TNIK: variants seen among roughly 807,000 people sequenced by gnomAD.
TNIK encodes TRAF2 and NCK-interacting protein kinase.
TNIK carries 49 observed loss-of-function variants against 191.3 expected under a neutral mutation model. The observed-to-expected ratio is 0.26, with a 90% CI of 0.20 to 0.32. The LOEUF (loss-of-function observed/expected upper bound fraction) is 0.32, where lower values mean the gene tolerates loss of function less well. Ranked by LOEUF, TNIK falls within the 10% of genes least tolerant of loss-of-function variation. The pLI, the probability that TNIK is intolerant of heterozygous loss-of-function variation, is 1.00. For missense variants in TNIK, 1,155 were observed against 1,702.3 expected, an observed-to-expected ratio of 0.68 and a Z score of 5.66; for synonymous variants, 594 against 600.9, an observed-to-expected ratio of 0.99 and a Z score of 0.17.
intron 7 of TNIK, among the ~76,000 whole-genome samples, chr3:171,183,748 CT>C (rs771836351): frequency 3.8e-4 from 58 of 151,922 alleles, no homozygotes; most frequent in Non-Finnish European, 7.5e-4. Context: ...CAGTGAAACC[CT>C]GTCTCTACTA....
chr3:171,206,178 T>C (rs1405516619), intron 4 of TNIK, among the ~76,000 whole-genome samples: 1 of 152,088 alleles, frequency 6.6e-6, no homozygotes, highest in Non-Finnish European at 1.5e-5. Flanking sequence ...TGTTCACTGT[T>C]ATATCCTGAG....
intron 2 of TNIK, among the ~76,000 whole-genome samples, chr3:171,344,974 T>C (rs1246961093): frequency 2.0e-5 from 3 of 152,036 alleles, no homozygotes; most frequent in African/African-American, 7.2e-5. Flanking sequence ...TCCAACACTA[T>C]CAACACTTAC....
intron 8 of TNIK, among the ~76,000 whole-genome samples, chr3:171,175,566 T>A (rs1735860449): frequency 6.6e-6 from 1 of 152,226 alleles, no homozygotes. Context: ...TTCTAGTGAA[T>A]ACATGTTTAC....
intron 3 of TNIK, among the ~76,000 whole-genome samples, chr3:171,224,261 A>G (rs892611542): frequency 6.6e-6 from 1 of 152,128 alleles, no homozygotes; most frequent in Admixed American, 6.5e-5. Flanking sequence ...TTCCCTTTTC[A>G]GCTTCATTCA....
intron 10 of TNIK, among the ~76,000 whole-genome samples, chr3:171,165,286 T>C (rs1200787441): frequency 6.7e-6 from 1 of 148,562 alleles, no homozygotes; most frequent in Non-Finnish European, 1.5e-5. Flanking sequence ...TCTCAAAAAA[T>C]AAAAAATAAA....
intron 15 of TNIK, among the ~76,000 whole-genome samples, chr3:171,137,316 A>T (rs897196958): frequency 2.0e-5 from 3 of 152,088 alleles, no homozygotes. Context: ...AGCGTGAGCT[A>T]TCAATATCTA....
chr3:171,459,710 A>AG (rs1321871000), intron 1 of TNIK, among the ~76,000 whole-genome samples: 4 of 151,620 alleles, frequency 2.6e-5, no homozygotes, highest in African/African-American at 9.7e-5. Context: ...ACACGCACAC[A>AG]CGCCTTTCAT....
At chr3:171,274,267 A>C (rs985478582) in intron 2 of TNIK, among the ~76,000 whole-genome samples, 1 of 152,200 alleles carries the variant, frequency 6.6e-6, no homozygotes, top group Non-Finnish European at 1.5e-5. Context: ...TGGATTTTTC[A>C]GGGCTGAAAA....
At chr3:171,266,733 A>G (rs568002288) in intron 2 of TNIK, among the ~76,000 whole-genome samples, 1 of 152,312 alleles carries the variant, frequency 6.6e-6, no homozygotes, top group Non-Finnish European at 1.5e-5. Context: ...AACAATCTGA[A>G]AAAATTATAG....
At chr3:171,312,346 C>A (rs180904944) in intron 2 of TNIK, among the ~76,000 whole-genome samples, 43 of 151,798 alleles carry the variant, frequency 2.8e-4, no homozygotes, top group Middle Eastern at 6.8e-3. Flanking sequence ...GAAAATAGTT[C>A]TATGTAACTA....
chr3:171,353,741 T>C (rs1408720722), intron 2 of TNIK, among the ~76,000 whole-genome samples: 1 of 152,248 alleles, frequency 6.6e-6, no homozygotes, highest in Non-Finnish European at 1.5e-5. Context: ...TCTTCTGCAA[T>C]GTGACCTTCC....
chr3:171,438,855 C>T (rs1276315185), intron 1 of TNIK, among the ~76,000 whole-genome samples: 3 of 152,144 alleles, frequency 2.0e-5, no homozygotes, highest in Non-Finnish European at 2.9e-5. Flanking sequence ...GGACTCCACG[C>T]TCCAGGTTCA....
At chr3:171,274,052 G>A (rs1749436865) in intron 2 of TNIK, among the ~76,000 whole-genome samples, 1 of 152,198 alleles carries the variant, frequency 6.6e-6, no homozygotes, top group African/African-American at 2.4e-5. Context: ...GAGTGAGAAA[G>A]TGAGTTAGCT....
chr3:171,338,134 T>C (rs533962507), intron 2 of TNIK, among the ~76,000 whole-genome samples: 1 of 152,156 alleles, frequency 6.6e-6, no homozygotes, highest in Non-Finnish European at 1.5e-5. Context: ...CTTCCTCTTA[T>C]GGCTCCCCAC....
At chr3:171,097,671 A>G (rs1464953348) in intron 22 of TNIK, among the ~76,000 whole-genome samples, 1 of 152,214 alleles carries the variant, frequency 6.6e-6, no homozygotes, top group African/African-American at 2.4e-5. Context: ...ACCTTCCACC[A>G]TGATTGTGAG....
intron 1 of TNIK, among the ~76,000 whole-genome samples, chr3:171,445,812 A>G (rs1423660963): frequency 1.3e-5 from 2 of 152,224 alleles, no homozygotes; most frequent in African/African-American, 2.4e-5. Context: ...GATGGACATT[A>G]CTAAACCACA....
chr3:171,252,547 A>G (rs1159678869), intron 2 of TNIK, among the ~76,000 whole-genome samples: 1 of 152,238 alleles, frequency 6.6e-6, no homozygotes. Context: ...ATGCATATTA[A>G]AATATAGCTG....
At chr3:171,367,473 T>G (rs1577656851) in intron 2 of TNIK, among the ~76,000 whole-genome samples, 10 of 118,608 alleles carry the variant, frequency 8.4e-5, no homozygotes, top group African/African-American at 2.1e-4. Context: ...AGCATTTTTT[T>G]GGGGGGGGGG....
At chr3:171,218,210 G>A (rs1124183) in intron 3 of TNIK, among the ~76,000 whole-genome samples, 79,167 of 151,940 alleles carry the variant, frequency 0.52, 21,385 homozygotes, top group African/African-American at 0.66. Flanking sequence ...GATATTCCAC[G>A]AGACTGACAC....
Sources: gnomAD v4.1 joint callset for allele counts (sites outside exome capture counted in the v4.1 genomes callset) on GRCh38, gnomAD v4.1.1 for gene constraint, MANE v1.5 for transcripts, NCBI Gene and HGNC (gene_info 2026-07-23, HGNC 2026-07-21) for gene names.